DISP3: variants seen among roughly 807,000 people sequenced by gnomAD.
The protein encoded by DISP3 is dispatched RND transporter family member 3, also known as protein dispatched homolog 3.
In DISP3, 101 loss-of-function variants were observed where a neutral mutation model predicts 135.3. The observed-to-expected ratio is 0.75, with a 90% CI of 0.64 to 0.88. The LOEUF (loss-of-function observed/expected upper bound fraction) is 0.88, where lower values mean the gene tolerates loss of function less well. Ranked by LOEUF, DISP3 falls within the 40% of genes least tolerant of loss-of-function variation. The pLI is 0.00. For missense variants in DISP3, 1,713 were observed against 1,878.6 expected, an observed-to-expected ratio of 0.91 and a Z score of 1.63; for synonymous variants, 856 against 817.0, an observed-to-expected ratio of 1.05 and a Z score of -0.81.
chr1:11,534,942 C>T, intron 18 of DISP3, 69 bp from the exon 19 acceptor site: 1 of 1,366,726 alleles, frequency 7.3e-7, no homozygotes. Context: ...GTCAAGGGCT[C>T]ACCCCAGCAG....
Position 11,535,118 on chromosome 1 carries a change from A to T in DISP3, c.3643A>T (p.Ile1215Phe), listed in dbSNP as rs1378907903. 6.2e-7 allele frequency: 1 copy of T among 1,605,096 alleles called. No homozygotes were observed. The highest frequency in any genetic ancestry group is 8.5e-7 in the Non-Finnish European group (1 of 1,176,804). ...ILLLLPVLLS[I>F]LGIVCLVVTI... The stretch of plus-strand genomic sequence containing the variant: ...GCTCCTGCTGCCCGTGCTCCTCAGC[A>T]TCTTGGGTACGTGGGCGAGGGGCTG... The change falls in exon 19 of 21, where the codon ATC (isoleucine) becomes TTC (phenylalanine). Residue 1215 changes from isoleucine (I) to phenylalanine (F), a missense_variant. Transcript: ENST00000294484.
rs1468188686 is a variant in DISP3, at chr1:11,514,511, C to T, written c.1438C>T (p.Leu480Phe). The T allele has an allele frequency of 1.2e-6, 2 of 1,613,992 alleles. No individual in the cohort carries two copies. Among genetic ancestry groups the T allele is most frequent in the East Asian group, 2.2e-5 (1 of 44,882 alleles). Residue 480 changes from leucine (L) to phenylalanine (F), a missense_variant, in exon 4 of 21, where the codon CTC becomes TTC. Physicochemically the swap from Leu to Phe is conservative, Grantham distance 22. Coordinates refer to ENST00000294484, the MANE Select transcript of DISP3 (RefSeq NM_020780.2). The part of the protein sequence containing the change: ...SSCIAALVYI[L>F]TSCSVFLSFF... ...CTGCATTGCTGCCCTGGTCTACATC[C>T]TCACCTCCTGCTCAGGTAGGGCTTC...
In DISP3 at chr1:11,522,694, G is replaced by A. The variant is rs868224534; in HGVS notation, c.2363-1248G>A. ...CAGGACCCAGCCAGAGCCCAGCCAG[G>A]GCCCAGCCAGGACCCAGCCAGGGCC... On this transcript the variant is annotated intron_variant, in intron 10 of 20. Transcript: ENST00000294484. Among the ~76,000 whole-genome samples, 165 of 85,538 alleles carry A rather than the reference G, an allele frequency of 1.9e-3. 2 individuals are homozygous for A. The highest frequency in any genetic ancestry group is 7.9e-3 in the African/African-American group (114 of 14,520). 56.1% of individuals were successfully genotyped at this position (85,538 alleles called of 152,430 possible).
At position 11,529,465 on chromosome 1, in the gene DISP3, AGCCCCAGTCCCAACCCTG is replaced by A; in HGVS notation, c.2799-87_2799-70del. 7.0e-7 allele frequency: 1 copy of A among 1,429,566 alleles called. No individual in the cohort carries two copies. Among genetic ancestry groups the A allele is most frequent in the Non-Finnish European group, 9.4e-7 (1 of 1,058,262 alleles). The allele number at this position is 1,429,566 out of a possible 1,614,324, so 88.6% of individuals were successfully genotyped here. A position where few individuals can be genotyped will look rare whatever the true frequency, so the allele number is the denominator to read the frequency against. ...CCGAGTCCAGACCCCATGACACCCC[AGCCCCAGTCCCAACCCTG>A]GCCTGCTGGCCTCACCTCCCCTGAC... On this transcript the variant is annotated intron_variant, in intron 13 of 20. Transcript: ENST00000294484. The surrounding 1 kb of genome is among the most constrained non-coding windows in gnomAD (Gnocchi z 4.7).
At chr1:11,514,330 T>A in intron 3 of DISP3, 60 bp from the exon 4 acceptor site, 1 of 1,529,586 alleles carries the variant, frequency 6.5e-7, no homozygotes. Context: ...GTTCACATGT[T>A]CACAGCCATC....
In DISP3 at chr1:11,537,106, G is replaced by A. The variant is rs538260863; in HGVS notation, c.*420G>A. 376 of 169,342 alleles carry A rather than the reference G, an allele frequency of 2.2e-3. 2 individuals carry two copies. The highest frequency in any genetic ancestry group is 8.8e-3 in the African/African-American group (368 of 41,946). 10.5% of individuals were successfully genotyped at this position (169,342 alleles called of 1,614,324 possible). On this transcript the variant is annotated 3_prime_UTR_variant, in exon 21 of 21. Transcript: ENST00000294484. ...GGCGCCAGGACACAGTGGCTGCCCT[G>A]TCGCTGGATCAGTAGCAGAGCCAGA...
intron 1 of DISP3, among the ~76,000 whole-genome samples, chr1:11,487,385 G>A (rs1267478447): frequency 1.3e-5 from 2 of 152,186 alleles, no homozygotes; most frequent in African/African-American, 4.8e-5. Context: ...CCCAGCTCTG[G>A]GGTAATGGGG....
chr1:11,480,527 C>T (rs1406760151), intron 1 of DISP3, among the ~76,000 whole-genome samples: 1 of 152,128 alleles, frequency 6.6e-6, no homozygotes, highest in Non-Finnish European at 1.5e-5. Flanking sequence ...TCTTCGCCCC[C>T]GCTCTGCACT....
In DISP3 at chr1:11,501,179, A is replaced by T. The variant is rs1192033405; in HGVS notation, c.187A>T (p.Thr63Ser). Reference sequence around the variant, plus strand: ...ACCCCCAGCTTCGGGCTTCTGGAGTACCCTGGGCTGGGCCTTCACCAATCC... The same window carrying T: ...ACCCCCAGCTTCGGGCTTCTGGAGTTCCCTGGGCTGGGCCTTCACCAATCC... Reference protein sequence around the residue: ...SRPPASGFWSTLGWAFTNPCC... With the variant: ...SRPPASGFWSSLGWAFTNPCC... Residue 63 changes from threonine (T) to serine (S), a missense_variant, in exon 2 of 21, where the codon ACC (threonine) becomes TCC (serine). By Grantham distance (58) the Thr-to-Ser change is moderately conservative. This residue lies in a region of DISP3 where 571 missense variants were observed against 494.1 expected (regional missense o/e 1.16). Coordinates refer to ENST00000294484, the MANE Select transcript of DISP3 (RefSeq NM_020780.2). The surrounding 1 kb of genome is among the most constrained non-coding windows in gnomAD (Gnocchi z 4.9). 10 of 1,613,812 alleles carry T rather than the reference A, an allele frequency of 6.2e-6. No individual in the cohort carries two copies. The highest frequency in any genetic ancestry group is 8.5e-6 in the Non-Finnish European group (10 of 1,179,972).
chr1:11,497,650 A>C (rs1391532160), intron 1 of DISP3, among the ~76,000 whole-genome samples: 1 of 152,148 alleles, frequency 6.6e-6, no homozygotes, highest in Non-Finnish European at 1.5e-5. Flanking sequence ...GGCCTCCCAG[A>C]GTGCCGGGAT....
chr1:11,519,909 G>A lies in DISP3; in HGVS notation c.2200+29G>A. On this transcript the variant is annotated intron_variant, in intron 9 of 20. Transcript: ENST00000294484. This position sits in a 1 kb window ranked among gnomAD's most constrained non-coding sequence, Gnocchi z 4.3. ...AGTGGGCCCTCCGGCCCTGCCCCCT[G>A]TCTCACAGCTCCACCCCCAAAACAC... 3 of 1,583,674 alleles carry A rather than the reference G, an allele frequency of 1.9e-6. No homozygotes were observed. Among genetic ancestry groups the A allele is most frequent in the African/African-American group, 1.3e-5 (1 of 74,416 alleles).
At position 11,529,608 on chromosome 1, in the gene DISP3, A is replaced by T. The variant is rs755746206; in HGVS notation, c.2851A>T (p.Met951Leu). The change falls in exon 14 of 21, where the codon ATG (methionine) becomes TTG (leucine). Residue 951 changes from methionine to leucine, a missense_variant. Physicochemically the swap from Met to Leu is conservative, Grantham distance 15. Transcript: ENST00000294484. The surrounding 1 kb of genome is among the most constrained non-coding windows in gnomAD (Gnocchi z 4.7). ...GCCCCCCTTCCACGGGCGCGTATGC[A>T]TGGCACCCCCTGGCTGCCTGCTTAG... is the stretch of plus-strand genomic sequence containing the variant. ...HKPPFHGRVC[M>L]APPGCLLSSS... The T allele has an allele frequency of 1.9e-6, 3 of 1,607,626 alleles. No homozygotes were observed. Among genetic ancestry groups the T allele is most frequent in the Non-Finnish European group, 2.6e-6 (3 of 1,175,270 alleles).
At chr1:11,490,424 T>C (rs1037428987) in intron 1 of DISP3, among the ~76,000 whole-genome samples, 1 of 152,152 alleles carries the variant, frequency 6.6e-6, no homozygotes, top group East Asian at 1.9e-4. Context: ...CCCGCCACCA[T>C]GCCTGGCTAA....
chr1:11,533,743 A>ACG (rs1305351752), intron 17 of DISP3: 11 of 716,806 alleles, frequency 1.5e-5, no homozygotes, highest in Non-Finnish European at 2.9e-5. Flanking sequence ...GCATGCACAC[A>ACG]CACACGCAGA....
chr1:11,494,391 T>C (rs1641272187), intron 1 of DISP3, among the ~76,000 whole-genome samples: 1 of 152,136 alleles, frequency 6.6e-6, no homozygotes, highest in Non-Finnish European at 1.5e-5. Context: ...ATTTTGCCCG[T>C]TTCACCACCA....
intron 18 of DISP3, 69 bp from the exon 19 acceptor site, chr1:11,534,942 C>A: frequency 7.3e-7 from 1 of 1,366,728 alleles, no homozygotes; most frequent in Non-Finnish European, 1.0e-6. Context: ...GTCAAGGGCT[C>A]ACCCCAGCAG....
intron 1 of DISP3, among the ~76,000 whole-genome samples, chr1:11,482,517 T>A (rs1302195155): frequency 6.6e-6 from 1 of 152,098 alleles, no homozygotes; most frequent in African/African-American, 2.4e-5. Flanking sequence ...CTAAGGGCCA[T>A]CAGTCAGCCC....
At position 11,517,471 on chromosome 1, in the gene DISP3, CG is replaced by C; in HGVS notation, c.1759del (p.Val587SerfsTer145). On this transcript the variant is annotated frameshift_variant, in exon 7 of 21. Coordinates refer to ENST00000294484, the MANE Select transcript of DISP3 (RefSeq NM_020780.2). LOFTEE classifies it high-confidence loss of function. ...TTCCTTTCCATCACCAGATCCCAGCCGTCCACGACTTTGGCCTGTTCATGTC... is the reference window on the plus strand; with the variant it reads ...TTCCTTTCCATCACCAGATCCCAGCCTCCACGACTTTGGCCTGTTCATGTC... The part of the protein sequence containing the change: ...AANVFSQIPA[V>X]HDFGLFMSLI... 6.2e-7 allele frequency: 1 copy of C among 1,614,132 alleles called. No individual in the cohort carries two copies. The highest frequency in any genetic ancestry group is 8.5e-7 in the Non-Finnish European group (1 of 1,179,940).
At position 11,502,858 on chromosome 1, in the gene DISP3, T is replaced by C. The variant is rs759395344; in HGVS notation, c.1277T>C (p.Val426Ala). The change falls in exon 3 of 21, where the codon GTG (valine) becomes GCG (alanine). Residue 426 changes from valine to alanine, a missense_variant. Physicochemically the swap from Val to Ala is moderately conservative, Grantham distance 64 (BLOSUM62 0). This residue lies in a region of DISP3 where 1,142 missense variants were observed against 1,384.6 expected (regional missense o/e 0.82). Coordinates refer to ENST00000294484, the MANE Select transcript of DISP3 (RefSeq NM_020780.2). ...EEQRAKFQSF[V>A]VTYVAMLAKQ... ...CAACGGGCTAAGTTTCAGAGCTTCGTGGTCACCTACGTGGCCATGCTGGCC... is the reference window on the plus strand; with the variant it reads ...CAACGGGCTAAGTTTCAGAGCTTCGCGGTCACCTACGTGGCCATGCTGGCC... 1.9e-6 allele frequency: 3 copies of C among 1,614,062 alleles called. No homozygotes were observed. Among genetic ancestry groups the C allele is most frequent in the East Asian group, 2.2e-5 (1 of 44,896 alleles).
Sources: gnomAD v4.1 joint callset for allele counts (sites outside exome capture counted in the v4.1 genomes callset) on GRCh38, gnomAD v4.1.1 for gene constraint, gnomAD v4.1.1 regional missense constraint, Gnocchi (gnomAD v3.1) non-coding constraint, MANE v1.5 for transcripts, NCBI Gene and HGNC (gene_info 2026-07-23, HGNC 2026-07-21) for gene names.